The following LUZP2 variants were observed in gnomAD, a reference collection of about 807,000 sequenced individuals.
The protein encoded by LUZP2 is leucine zipper protein 2.
LUZP2 carries 52 observed loss-of-function variants against 51.6 expected under a neutral mutation model. The observed-to-expected ratio is 1.01, with a 90% confidence interval of 0.81 to 1.27. The LOEUF is 1.27. Among genes scored for constraint, LUZP2 ranks in the 50% most tolerant of loss-of-function variants. The pLI is 0.00. For synonymous variants in LUZP2, 154 were observed against 137.3 expected (o/e 1.12, Z -0.85); for missense variants, 436 against 395.4 (o/e 1.10, Z -0.87).
chr11:24,712,810 T>C (rs1474785862), intron 1 of LUZP2, among the ~76,000 whole-genome samples: 1 of 152,248 alleles, frequency 6.6e-6, no homozygotes, highest in East Asian at 1.9e-4. Context: ...TCTTATTTTC[T>C]TTCCAAATAT....
intron 9 of LUZP2, among the ~76,000 whole-genome samples, chr11:25,020,753 AC>A (rs1289279208): frequency 1.3e-5 from 2 of 151,038 alleles, no homozygotes; most frequent in Admixed American, 1.3e-4. Context: ...ACAAATTAGG[AC>A]CCTCTAATAA....
At chr11:24,736,638 G>T (rs575567192) in intron 3 of LUZP2, among the ~76,000 whole-genome samples, 1 of 152,014 alleles carries the variant, frequency 6.6e-6, no homozygotes, top group East Asian at 1.9e-4. Flanking sequence ...ATAGTTTGGT[G>T]TGGGGTTTAC....
chr11:24,858,214 T>G (rs955792820), intron 5 of LUZP2, among the ~76,000 whole-genome samples: 2 of 152,208 alleles, frequency 1.3e-5, no homozygotes, highest in Admixed American at 1.3e-4. Flanking sequence ...CAGCTTTTCC[T>G]TAATAAAGCA....
At chr11:24,734,162 C>G (rs7119219) in intron 3 of LUZP2, among the ~76,000 whole-genome samples, 74,256 of 151,424 alleles carry the variant, frequency 0.49, 19,035 homozygotes, top group Admixed American at 0.66. Context: ...TGAGAAAACA[C>G]TACTTAGAGA....
chr11:24,505,106 G>A (rs1197723069), intron 1 of LUZP2, among the ~76,000 whole-genome samples: 1 of 152,146 alleles, frequency 6.6e-6, no homozygotes, highest in Non-Finnish European at 1.5e-5. Context: ...ATTGGTAAGG[G>A]CTAAATCAGA....
intron 1 of LUZP2, among the ~76,000 whole-genome samples, chr11:24,569,619 CAGA>C (rs1852361150): frequency 6.6e-6 from 1 of 151,932 alleles, no homozygotes; most frequent in African/African-American, 2.4e-5. Context: ...TAAAATGTAG[CAGA>C]AGAAAATAGT....
chr11:24,502,695 T>A (rs1388345552), intron 1 of LUZP2, among the ~76,000 whole-genome samples: 1 of 152,196 alleles, frequency 6.6e-6, no homozygotes, highest in Non-Finnish European at 1.5e-5. Flanking sequence ...CCCTCCAAAG[T>A]GTTTTTGATG....
chr11:25,030,994 AT>A (rs1190370787), intron 9 of LUZP2, among the ~76,000 whole-genome samples: 1 of 11,964 alleles, frequency 8.4e-5, no homozygotes, highest in Non-Finnish European at 1.3e-4. Context: ...TACAATATAT[AT>A]TATATATATA....
At chr11:24,982,811 C>A (rs1246365477) in intron 8 of LUZP2, among the ~76,000 whole-genome samples, 1 of 151,772 alleles carries the variant, frequency 6.6e-6, no homozygotes, top group East Asian at 1.9e-4. Context: ...ATATTTTCTA[C>A]ATCAGAGTAA....
chr11:24,751,816 A>T (rs1859599256), intron 4 of LUZP2, among the ~76,000 whole-genome samples: 1 of 152,158 alleles, frequency 6.6e-6, no homozygotes, highest in South Asian at 2.1e-4. Context: ...TCTGAAGCAG[A>T]ATTACTGGAG....
chr11:24,592,353 G>A (rs12800717), intron 1 of LUZP2, among the ~76,000 whole-genome samples: 25,296 of 152,050 alleles, frequency 0.17, 2,581 homozygotes, highest in Middle Eastern at 0.34. Context: ...TCAGCAACTT[G>A]GTAGCAGGAG....
At chr11:25,076,635 G>A (rs1859309217) in intron 10 of LUZP2, among the ~76,000 whole-genome samples, 1 of 136,204 alleles carries the variant, frequency 7.3e-6, no homozygotes. Flanking sequence ...AGGGAGGAAG[G>A]GAAAAAGAGG....
chr11:24,552,113 A>T (rs1450792816), intron 1 of LUZP2, among the ~76,000 whole-genome samples: 1 of 152,042 alleles, frequency 6.6e-6, no homozygotes, highest in Admixed American at 6.6e-5. Context: ...ACAAAACATG[A>T]TATAGGGACA....
At chr11:24,994,159 CTTTTT>C (rs58939086) in intron 9 of LUZP2, among the ~76,000 whole-genome samples, 1 of 127,682 alleles carries the variant, frequency 7.8e-6, no homozygotes, top group Non-Finnish European at 1.6e-5. Context: ...GCACCTGGCC[CTTTTT>C]TTTTTTTTTT....
chr11:24,836,406 C>G (rs1298307724), intron 5 of LUZP2, among the ~76,000 whole-genome samples: 1 of 151,650 alleles, frequency 6.6e-6, no homozygotes, highest in Non-Finnish European at 1.5e-5. Flanking sequence ...CCCTGATTTT[C>G]CAACTAGTGA....
At chr11:25,014,783 T>G (rs1480188127) in intron 9 of LUZP2, among the ~76,000 whole-genome samples, 2 of 152,206 alleles carry the variant, frequency 1.3e-5, no homozygotes, top group Non-Finnish European at 2.9e-5. Context: ...TTTTGGCTTT[T>G]GTTGCCATTG....
intron 1 of LUZP2, among the ~76,000 whole-genome samples, chr11:24,558,910 G>A (rs922706505): frequency 6.6e-6 from 1 of 152,078 alleles, no homozygotes; most frequent in African/African-American, 2.4e-5. Context: ...CAGAGTGTAA[G>A]AAATAAATTT....
intron 1 of LUZP2, among the ~76,000 whole-genome samples, chr11:24,578,601 G>T (rs1158455460): frequency 6.6e-6 from 1 of 151,238 alleles, no homozygotes; most frequent in Non-Finnish European, 1.5e-5. Context: ...CCATGAAAAA[G>T]AAAGAAAATC....
chr11:24,644,654 A>T (rs750223088), intron 1 of LUZP2, among the ~76,000 whole-genome samples: 4 of 152,104 alleles, frequency 2.6e-5, no homozygotes, highest in Non-Finnish European at 4.4e-5. Context: ...AGGGGTGGGT[A>T]TGGAACATCA....
Sources: gnomAD v4.1 joint callset for allele counts (sites outside exome capture counted in the v4.1 genomes callset) on GRCh38, gnomAD v4.1.1 for gene constraint, MANE v1.5 for transcripts, NCBI Gene and HGNC (gene_info 2026-07-23, HGNC 2026-07-21) for gene names.